ITK: variants seen among roughly 807,000 people sequenced by gnomAD.
ITK encodes the protein IL2 inducible T cell kinase.
Under a neutral mutation model 87.6 loss-of-function variants are expected in ITK, and 45 were observed. The ratio of observed to expected loss-of-function variants is 0.51; its 90% CI spans 0.40 to 0.66. The LOEUF (loss-of-function observed/expected upper bound fraction) is 0.66. Among genes scored for constraint, ITK ranks in the 30% least tolerant of loss-of-function variants. ITK has a pLI of 0.00. For missense variants in ITK, 605 were observed against 766.3 expected (o/e 0.79, Z 2.48); for synonymous variants, 303 against 273.6 (o/e 1.11, Z -1.06).
chr5:157,187,980 T>G (rs1446434839), intron 1 of ITK, among the ~76,000 whole-genome samples: 1 of 152,016 alleles, frequency 6.6e-6, no homozygotes, highest in Non-Finnish European at 1.5e-5. Flanking sequence ...AAAAAAAAAT[T>G]TATAGAGACA....
chr5:157,213,463 G>A (rs1270123977), intron 3 of ITK: 3 of 391,392 alleles, frequency 7.7e-6, no homozygotes, highest in South Asian at 4.0e-5. Context: ...CTGCAGCCTC[G>A]ACCTATTGGG....
At position 157,253,179 on chromosome 5, in the gene ITK, A is replaced by T. The variant is rs1232317801; in HGVS notation, c.*501A>T. The T allele has an allele frequency of 3.5e-6, 1 of 285,224 alleles. No individual in the cohort carries two copies. The highest frequency in any genetic ancestry group is 6.8e-6 in the Non-Finnish European group (1 of 147,392). The allele number at this position is 285,224 out of a possible 1,614,324, so 17.7% of individuals were successfully genotyped here. A position where few individuals can be genotyped will look rare whatever the true frequency, so the allele number is the denominator to read the frequency against. On this transcript the variant is annotated 3_prime_UTR_variant, in exon 17 of 17. Transcript: ENST00000422843. ...CAAGAAAACTGGTGAGTTAAGTAAG[A>T]TTAGAGTGAGTGTGCTCTGTTGCTG... is the stretch of plus-strand genomic sequence containing the variant.
At chr5:157,186,877 C>A (rs73814021) in intron 1 of ITK, among the ~76,000 whole-genome samples, 2,827 of 152,322 alleles carry the variant, frequency 0.019, 86 homozygotes, top group African/African-American at 0.065. Context: ...CTCCACATGG[C>A]AACCAGCACC....
At chr5:157,222,056 T>C (rs1280433892) in intron 5 of ITK, among the ~76,000 whole-genome samples, 1 of 152,140 alleles carries the variant, frequency 6.6e-6, no homozygotes, top group African/African-American at 2.4e-5. Context: ...GACTCTTTTT[T>C]CAGCTCCAGT....
rs181609030 is a variant in ITK, at chr5:157,233,112, C to T, written c.768+718C>T. Among the ~76,000 whole-genome samples the T allele has an allele frequency of 2.0e-3, 308 of 152,234 alleles. 1 individual carries two copies. Among genetic ancestry groups the T allele is most frequent in the African/African-American group, 6.8e-3 (281 of 41,540 alleles). Reference sequence around the variant, plus strand: ...GTGGGGCAGGTACTGGGCTCTAGTTCCTGTTATGTCACCAACTCATTGGGT... The same window carrying T: ...GTGGGGCAGGTACTGGGCTCTAGTTTCTGTTATGTCACCAACTCATTGGGT... On this transcript the variant is annotated intron_variant, in intron 8 of 16. Coordinates refer to ENST00000422843, the MANE Select transcript of ITK (RefSeq NM_005546.4).
At chr5:157,207,249 G>C in intron 1 of ITK, among the ~76,000 whole-genome samples, 1 of 151,834 alleles carries the variant, frequency 6.6e-6, no homozygotes, top group South Asian at 2.1e-4. Context: ...CTGATTCAAT[G>C]GTGTCCACCA....
chr5:157,251,085 A>T (rs1366318526), intron 16 of ITK, among the ~76,000 whole-genome samples: 3 of 152,190 alleles, frequency 2.0e-5, no homozygotes, highest in Non-Finnish European at 4.4e-5. Flanking sequence ...ACTATGTTTA[A>T]CTTTTTAAGA....
At position 157,253,710 on chromosome 5, in the gene ITK, C is replaced by A. The variant is rs1214799772; in HGVS notation, c.*1032C>A. ...GGCGAGCAATTGAAACTTGTTTAGG[C>A]CCTAGGGTTGAGCAATTTTAAGGTT... On this transcript the variant is annotated 3_prime_UTR_variant, in exon 17 of 17. Coordinates refer to ENST00000422843, the MANE Select transcript of ITK (RefSeq NM_005546.4). The A allele has an allele frequency of 4.5e-6, 1 of 221,556 alleles. No individual in the cohort carries two copies. The highest frequency in any genetic ancestry group is 9.0e-6 in the Non-Finnish European group (1 of 110,800). The allele number at this position is 221,556 out of a possible 1,614,324, so 13.7% of individuals were successfully genotyped here.
Position 157,218,455 on chromosome 5 carries a change from C to T in ITK, c.495+548C>T, listed in dbSNP as rs1360489385. The stretch of plus-strand genomic sequence containing the variant: ...CCAGGAGGTCGAGACTGCAGTGAGC[C>T]ATGACTGTGTGCCACTGCACTTCAA... On this transcript the variant is annotated intron_variant, in intron 5 of 16. Coordinates refer to ENST00000422843, the MANE Select transcript of ITK (RefSeq NM_005546.4). Among the ~76,000 whole-genome samples, 3 of 146,856 alleles carry T rather than the reference C, an allele frequency of 2.0e-5. No homozygotes were observed. In the East Asian group the frequency reaches 6.4e-4, roughly 31 times the overall value.
At chr5:157,225,737 G>C (rs1392121481) in intron 6 of ITK, among the ~76,000 whole-genome samples, 1 of 152,146 alleles carries the variant, frequency 6.6e-6, no homozygotes, top group Non-Finnish European at 1.5e-5. Context: ...AATTGAGCTA[G>C]TCACATCACC....
intron 15 of ITK, among the ~76,000 whole-genome samples, chr5:157,246,674 G>A (rs1755025151): frequency 6.6e-6 from 1 of 152,128 alleles, no homozygotes; most frequent in African/African-American, 2.4e-5. Flanking sequence ...AGTGTGGTGT[G>A]GGAAGGCCTT....
intron 5 of ITK, among the ~76,000 whole-genome samples, chr5:157,219,149 G>C (rs1209635128): frequency 1.6e-5 from 2 of 127,916 alleles, no homozygotes; most frequent in Admixed American, 1.8e-4. Context: ...TCTTGCTCTT[G>C]TCACCCAGGC....
At chr5:157,203,925 G>C (rs1754024995) in intron 1 of ITK, among the ~76,000 whole-genome samples, 1 of 152,114 alleles carries the variant, frequency 6.6e-6, no homozygotes, top group South Asian at 2.1e-4. Context: ...GATTAACTTT[G>C]GCTACCTCAG....
chr5:157,251,480 A>G (rs2113779047), intron 16 of ITK, among the ~76,000 whole-genome samples: 1 of 152,352 alleles, frequency 6.6e-6, no homozygotes, highest in South Asian at 2.1e-4. Flanking sequence ...TGTCTTTCAC[A>G]GAGAAGACTT....
chr5:157,214,050 ATCAACCCATGCTTC>A, intron 3 of ITK, 127 bp from the exon 4 acceptor site: 1 of 772,136 alleles, frequency 1.3e-6, no homozygotes, highest in Non-Finnish European at 2.3e-6. Flanking sequence ...ATGCGCTCAG[ATCAACCCATGCTTC>A]TGAGTGGTCT....
intron 5 of ITK, among the ~76,000 whole-genome samples, chr5:157,222,001 C>A (rs1394521839): frequency 6.6e-6 from 1 of 151,970 alleles, no homozygotes; most frequent in African/African-American, 2.4e-5. Context: ...AAAAAAAAAT[C>A]CGATCTGGGC....
intron 3 of ITK, 65 bp downstream of exon 3, chr5:157,211,433 CAATAG>C: frequency 7.6e-7 from 1 of 1,313,910 alleles, no homozygotes; most frequent in Non-Finnish European, 1.1e-6. Flanking sequence ...TTGGGTTCCA[CAATAG>C]AATAGAGTGT....
intron 1 of ITK, among the ~76,000 whole-genome samples, chr5:157,200,565 G>C (rs1753945422): frequency 6.6e-6 from 1 of 152,138 alleles, no homozygotes; most frequent in African/African-American, 2.4e-5. Flanking sequence ...TGGTCCTGCT[G>C]TTTACCAAGT....
chr5:157,200,114 AAGAG>A (rs895966978), intron 1 of ITK, among the ~76,000 whole-genome samples: 27 of 134,334 alleles, frequency 2.0e-4, no homozygotes, highest in Middle Eastern at 3.8e-3. Context: ...GAAAGGGGAA[AAGAG>A]AGAGAGAAAT....
Sources: gnomAD v4.1 joint callset for allele counts (sites outside exome capture counted in the v4.1 genomes callset) on GRCh38, gnomAD v4.1.1 for gene constraint, MANE v1.5 for transcripts, NCBI Gene and HGNC (gene_info 2026-07-23, HGNC 2026-07-21) for gene names.